LMX1A: variants seen among roughly 807,000 people sequenced by gnomAD.
LMX1A encodes the protein LIM homeobox transcription factor 1-alpha.
A neutral mutation model predicts 49.1 loss-of-function variants in LMX1A; 15 were observed. The observed-to-expected ratio is 0.31, with a 90% CI of 0.20 to 0.47. LMX1A has a LOEUF of 0.47. Ranked by LOEUF, LMX1A falls within the 20% of genes least tolerant of loss-of-function variation. LMX1A has a pLI of 1.00. For synonymous variants in LMX1A, 167 were observed against 185.7 expected (o/e 0.90, Z 0.82); for missense variants, 372 against 475.8 (o/e 0.78, Z 2.03).
rs531840728 is a variant in LMX1A, at chr1:165,304,556, A to G, written c.263+48520T>C. Among the ~76,000 whole-genome samples, 7 of 152,314 alleles carry G rather than the reference A, an allele frequency of 4.6e-5. No homozygotes were observed. The East Asian group carries it at 1.2e-3, about 25-fold the overall frequency. On this transcript the variant is annotated intron_variant, in intron 3 of 8. Transcript: ENST00000342310. ...ACTTATTTCTACTCCCTCGACCCAGATAATTAAGAATTAACTGCACATGGT... is the reference window on the plus strand; with the variant it reads ...ACTTATTTCTACTCCCTCGACCCAGGTAATTAAGAATTAACTGCACATGGT...
chr1:165,206,954 A>G (rs1313091103), intron 7 of LMX1A, among the ~76,000 whole-genome samples: 2 of 152,182 alleles, frequency 1.3e-5, no homozygotes, highest in Non-Finnish European at 2.9e-5. Context: ...ACCCAGTGTC[A>G]AGCACAAGGC....
At chr1:165,353,668 A>G (rs1050979808) in intron 2 of LMX1A, among the ~76,000 whole-genome samples, 2 of 152,254 alleles carry the variant, frequency 1.3e-5, no homozygotes, top group African/African-American at 2.4e-5. Context: ...CTGAGAATGC[A>G]TAAGAACAAT....
intron 3 of LMX1A, among the ~76,000 whole-genome samples, chr1:165,328,493 A>G (rs986848805): frequency 6.6e-6 from 1 of 152,128 alleles, no homozygotes; most frequent in African/African-American, 2.4e-5. Context: ...CTGGCCAGAA[A>G]CCCAACAAAG....
chr1:165,235,927 C>T (rs953740312), intron 4 of LMX1A, among the ~76,000 whole-genome samples: 1 of 152,062 alleles, frequency 6.6e-6, no homozygotes, highest in Admixed American at 6.5e-5. Context: ...TGGCCTCTTG[C>T]ATTTCTAAGG....
chr1:165,263,430 T>C (rs928425781), intron 3 of LMX1A, among the ~76,000 whole-genome samples: 1 of 152,254 alleles, frequency 6.6e-6, no homozygotes, highest in Non-Finnish European at 1.5e-5. Flanking sequence ...ACAAACATCA[T>C]GGACTCACTT....
At chr1:165,281,668 T>C (rs1654151619) in intron 3 of LMX1A, among the ~76,000 whole-genome samples, 1 of 152,162 alleles carries the variant, frequency 6.6e-6, no homozygotes, top group African/African-American at 2.4e-5. Flanking sequence ...TGCATTTATG[T>C]GTAAACAGCA....
At chr1:165,316,031 G>A (rs1409699939) in intron 3 of LMX1A, among the ~76,000 whole-genome samples, 1 of 152,218 alleles carries the variant, frequency 6.6e-6, no homozygotes, top group East Asian at 1.9e-4. Flanking sequence ...TTATAATAGA[G>A]TGCCAAAGTC....
At chr1:165,231,014 C>T (rs1236095415) in intron 4 of LMX1A, among the ~76,000 whole-genome samples, 2 of 152,236 alleles carry the variant, frequency 1.3e-5, no homozygotes, top group Non-Finnish European at 2.9e-5. Context: ...GTTAATAAAA[C>T]ATTTCCTAAA....
intron 4 of LMX1A, among the ~76,000 whole-genome samples, chr1:165,228,661 A>G (rs113907508): frequency 2.6e-5 from 4 of 152,180 alleles, no homozygotes. Context: ...ATCTTCCTTG[A>G]ACCTAGCTTT....
At chr1:165,241,712 A>T (rs143591759) in intron 4 of LMX1A, among the ~76,000 whole-genome samples, 1 of 152,242 alleles carries the variant, frequency 6.6e-6, no homozygotes, top group African/African-American at 2.4e-5. Context: ...CATTTTCTAG[A>T]ATTTGTGAGT....
intron 3 of LMX1A, among the ~76,000 whole-genome samples, chr1:165,312,711 T>C (rs558149845): frequency 3.0e-4 from 45 of 152,312 alleles, no homozygotes; most frequent in African/African-American, 1.1e-3. Context: ...AATGGCCCCA[T>C]GTGTGAGCCA....
At chr1:165,321,519 G>A (rs1267671782) in intron 3 of LMX1A, among the ~76,000 whole-genome samples, 2 of 152,106 alleles carry the variant, frequency 1.3e-5, no homozygotes, top group Admixed American at 6.6e-5. Flanking sequence ...TCACTCTAAA[G>A]ATAACGCCAG....
At chr1:165,261,017 C>A (rs564927020) in intron 3 of LMX1A, among the ~76,000 whole-genome samples, 224 of 152,210 alleles carry the variant, frequency 1.5e-3, no homozygotes, top group African/African-American at 5.3e-3. Flanking sequence ...ATACAGAGGG[C>A]AAAACTGGCA....
chr1:165,315,746 G>A (rs926291200), intron 3 of LMX1A, among the ~76,000 whole-genome samples: 1 of 152,162 alleles, frequency 6.6e-6, no homozygotes, highest in African/African-American at 2.4e-5. Context: ...TGCGGTTTCA[G>A]AGAGTCCCAT....
chr1:165,308,572 C>G (rs562564875), intron 3 of LMX1A, among the ~76,000 whole-genome samples: 1 of 152,296 alleles, frequency 6.6e-6, no homozygotes, highest in African/African-American at 2.4e-5. Flanking sequence ...GTGATTCGCA[C>G]TTTCTCAAAG....
chr1:165,315,342 G>C (rs532215409), intron 3 of LMX1A, among the ~76,000 whole-genome samples: 1 of 152,206 alleles, frequency 6.6e-6, no homozygotes, highest in South Asian at 2.1e-4. Context: ...GAATATTCAG[G>C]AAAAGCCCTA....
At chr1:165,336,164 C>A in intron 3 of LMX1A, among the ~76,000 whole-genome samples, 1 of 151,362 alleles carries the variant, frequency 6.6e-6, no homozygotes, top group African/African-American at 2.4e-5. Context: ...GTTAACGGAG[C>A]TGGGATTTGA....
chr1:165,217,620 G>A (rs1442125106), intron 4 of LMX1A, among the ~76,000 whole-genome samples: 1 of 152,232 alleles, frequency 6.6e-6, no homozygotes, highest in East Asian at 1.9e-4. Context: ...AAGTCCCTCA[G>A]CTGGTCCTGC....
At chr1:165,344,608 C>T (rs944212346) in intron 3 of LMX1A, among the ~76,000 whole-genome samples, 1 of 152,118 alleles carries the variant, frequency 6.6e-6, no homozygotes, top group Non-Finnish European at 1.5e-5. Context: ...CATAAAAATC[C>T]ACCTCTGGAC....
Sources: gnomAD v4.1 joint callset for allele counts (sites outside exome capture counted in the v4.1 genomes callset) on GRCh38, gnomAD v4.1.1 for gene constraint, MANE v1.5 for transcripts, NCBI Gene and HGNC (gene_info 2026-07-23, HGNC 2026-07-21) for gene names.